Variants in SEMA5B observed in about 807,000 individuals in gnomAD.
SEMA5B encodes the protein semaphorin 5B.
SEMA5B carries 66 observed loss-of-function variants against 135.0 expected under a neutral mutation model. That is an observed-to-expected ratio of 0.49 (90% CI 0.40 to 0.60). The LOEUF is 0.60. Among genes scored for constraint, SEMA5B ranks in the 20% least tolerant of loss-of-function variants. The pLI is 0.00. For synonymous variants in SEMA5B, 690 were observed against 639.5 expected, an observed-to-expected ratio of 1.08 and a Z score of -1.19; for missense variants, 1,501 against 1,566.3, an observed-to-expected ratio of 0.96 and a Z score of 0.70.
At chr3:122,966,563 A>ATTTTTTTTTTTTTTTT (rs763448433) in intron 1 of SEMA5B, among the ~76,000 whole-genome samples, 1 of 115,074 alleles carries the variant, frequency 8.7e-6, no homozygotes, top group African/African-American at 4.0e-5. Context: ...TATTATTATT[A>ATTTTTTTTTTTTTTTT]TTATTTTTTG....
At chr3:122,993,883 G>A (rs16833747) in intron 1 of SEMA5B, among the ~76,000 whole-genome samples, 3,551 of 149,614 alleles carry the variant, frequency 0.024, 135 homozygotes, top group African/African-American at 0.084. Flanking sequence ...AATAGTCAGC[G>A]GCATCGCCCC....
rs538398191 is a variant in SEMA5B at position 123,014,769 on chromosome 3, T to C, written c.-39+12695A>G. On this transcript the variant is annotated intron_variant, in intron 1 of 22. Transcript: ENST00000357599. ...AGATAAAATAAATTAGGGAAAAATG[T>C]AGTCTCGAAACAGGAGGTCAAAAAG... Among the ~76,000 whole-genome samples the C allele has an allele frequency of 2.0e-5, 3 of 152,342 alleles. No homozygotes were observed. In the South Asian group the frequency reaches 6.2e-4, roughly 32 times the overall value.
chr3:123,009,851 A>G (rs995029068), intron 1 of SEMA5B, among the ~76,000 whole-genome samples: 2 of 152,198 alleles, frequency 1.3e-5, no homozygotes, highest in Non-Finnish European at 2.9e-5. Context: ...ACATTTACTG[A>G]GGCCTTGGTG....
At chr3:122,929,252 C>A (rs1938823622) in intron 5 of SEMA5B, among the ~76,000 whole-genome samples, 194 bp from the exon 6 acceptor site, 1 of 152,204 alleles carries the variant, frequency 6.6e-6, no homozygotes, top group Non-Finnish European at 1.5e-5. Flanking sequence ...ACCCAGAGGT[C>A]TTTCACAGGT....
At chr3:123,007,583 AATGGGTTATC>A (rs1942344138) in intron 1 of SEMA5B, among the ~76,000 whole-genome samples, 1 of 152,098 alleles carries the variant, frequency 6.6e-6, no homozygotes. Context: ...TTCATGGGTT[AATGGGTTATC>A]ATGGGAGGGG....
At chr3:122,997,607 T>G (rs1388655262) in intron 1 of SEMA5B, among the ~76,000 whole-genome samples, 1 of 152,184 alleles carries the variant, frequency 6.6e-6, no homozygotes, top group East Asian at 1.9e-4. Context: ...TTTTATTACT[T>G]GAAGCATTTC....
At chr3:123,027,070 G>C (rs1056467607) in intron 1 of SEMA5B, 2 of 152,666 alleles carry the variant, frequency 1.3e-5, no homozygotes, top group African/African-American at 2.4e-5. Context: ...TTTACTAGCC[G>C]GCCCTCTCTG....
intron 1 of SEMA5B, among the ~76,000 whole-genome samples, chr3:122,977,701 A>T (rs1383404093): frequency 1.3e-5 from 2 of 152,218 alleles, no homozygotes; most frequent in African/African-American, 4.8e-5. Context: ...TAACATATAA[A>T]ATTAACCACC....
intron 1 of SEMA5B, among the ~76,000 whole-genome samples, chr3:122,989,803 G>A (rs1560417256): frequency 6.6e-6 from 1 of 152,178 alleles, no homozygotes; most frequent in Admixed American, 6.5e-5. Flanking sequence ...GAGAAAATTG[G>A]TTCCCTGGGG....
At chr3:122,997,952 C>A (rs1428310899) in intron 1 of SEMA5B, among the ~76,000 whole-genome samples, 7 of 152,174 alleles carry the variant, frequency 4.6e-5, no homozygotes, top group African/African-American at 1.7e-4. Context: ...TCCTCACGCC[C>A]CCACTTTAGG....
chr3:122,925,530 T>C (rs1362312731), intron 9 of SEMA5B, among the ~76,000 whole-genome samples: 1 of 151,978 alleles, frequency 6.6e-6, no homozygotes, highest in Non-Finnish European at 1.5e-5. Context: ...TAGCCAGGCA[T>C]GGTGCCACGT....
intron 2 of SEMA5B, among the ~76,000 whole-genome samples, chr3:122,957,217 T>C (rs1345296671): frequency 6.6e-6 from 1 of 152,084 alleles, no homozygotes; most frequent in Admixed American, 6.5e-5. Context: ...CTTTGGGAAG[T>C]TTGGTGGCAG....
chr3:122,991,613 G>T (rs901475354), intron 1 of SEMA5B, among the ~76,000 whole-genome samples: 1 of 151,944 alleles, frequency 6.6e-6, no homozygotes, highest in Non-Finnish European at 1.5e-5. Context: ...AAACACTGCT[G>T]CACCCTCCAC....
intron 1 of SEMA5B, among the ~76,000 whole-genome samples, chr3:122,972,379 G>T (rs1026242589): frequency 1.3e-5 from 2 of 152,164 alleles, no homozygotes; most frequent in Non-Finnish European, 2.9e-5. Context: ...CATGTATAAA[G>T]CATGCCAGCC....
At chr3:122,991,344 C>T (rs1198269046) in intron 1 of SEMA5B, among the ~76,000 whole-genome samples, 1 of 152,132 alleles carries the variant, frequency 6.6e-6, no homozygotes, top group Non-Finnish European at 1.5e-5. Context: ...CACATGAGGG[C>T]CCAAGGAGAA....
Position 122,926,670 on chromosome 3 carries a change from G to A in SEMA5B, c.858C>T (p.Asn286=). ...QYNSKWLNEP[N]FVAAYDIGLF... Reference sequence around the variant, plus strand: ...GCCCAATATCATAGGCTGCCACGAAGTTTGGCTCTGGGTGGGCAGAAGAGG... The same window carrying A: ...GCCCAATATCATAGGCTGCCACGAAATTTGGCTCTGGGTGGGCAGAAGAGG... Residue 286 remains asparagine, a synonymous_variant, in exon 9 of 23, where the codon AAC becomes AAT. Transcript: ENST00000357599. 1 of 1,610,178 alleles carries A rather than the reference G, an allele frequency of 6.2e-7. No homozygotes were observed. The highest frequency in any genetic ancestry group is 1.3e-5 in the African/African-American group (1 of 74,994).
chr3:122,911,902 G>T lies in SEMA5B; in HGVS notation c.3046+18C>A. 7 of 1,584,840 alleles carry T rather than the reference G, an allele frequency of 4.4e-6. No individual in the cohort carries two copies. Among genetic ancestry groups the T allele is most frequent in the Admixed American group, 1.7e-5 (1 of 57,580 alleles). ...GGCTGGGAAGGGTTGCTGCGCAGGT[G>T]CTGGCAGGGGTACCTACCGGGAATC... is the stretch of plus-strand genomic sequence containing the variant. On this transcript the variant is annotated intron_variant, in intron 20 of 22. Coordinates refer to ENST00000357599, the MANE Select transcript of SEMA5B (RefSeq NM_001031702.4).
Position 122,910,967 on chromosome 3 carries a change from A to C in SEMA5B, c.3170T>G (p.Leu1057Arg). Residue 1057 changes from leucine to arginine, a missense_variant, in exon 22 of 23, where the codon CTG becomes CGG. By Grantham distance (102) the Leu-to-Arg change is moderately radical. Transcript: ENST00000357599. Reference sequence around the variant, plus strand: ...CTGACGCTGGCAGTGCTGGCAAGACAGGTACACTGCTAGGGTCAGGAGCCC... The same window carrying C: ...CTGACGCTGGCAGTGCTGGCAAGACCGGTACACTGCTAGGGTCAGGAGCCC... ...GSGLLTLAVY[L>R]SCQHCQRQSQ... The C allele has an allele frequency of 6.2e-7, 1 of 1,614,038 alleles. No homozygotes were observed. Among genetic ancestry groups the C allele is most frequent in the Non-Finnish European group, 8.5e-7 (1 of 1,180,008 alleles).
At chr3:123,000,430 G>A (rs1487876120) in intron 1 of SEMA5B, among the ~76,000 whole-genome samples, 2 of 152,112 alleles carry the variant, frequency 1.3e-5, no homozygotes, top group Admixed American at 6.5e-5. Context: ...GAGGCCAAAG[G>A]GGTGGCCTTG....
Sources: gnomAD v4.1 joint callset for allele counts (sites outside exome capture counted in the v4.1 genomes callset) on GRCh38, gnomAD v4.1.1 for gene constraint, MANE v1.5 for transcripts, NCBI Gene and HGNC (gene_info 2026-07-23, HGNC 2026-07-21) for gene names.